The following RYR2 variants were observed in gnomAD, a reference collection of about 807,000 sequenced individuals.
RYR2 encodes ryanodine receptor 2.
RYR2 carries 227 observed loss-of-function variants against 601.1 expected under a neutral mutation model. The ratio of observed to expected loss-of-function variants is 0.38; its 90% CI spans 0.34 to 0.42. RYR2 has a LOEUF of 0.42. Among genes scored for constraint, RYR2 ranks in the 10% least tolerant of loss-of-function variants. The pLI is 1.00. For missense variants in RYR2, 4,646 were observed against 6,156.5 expected (o/e 0.75, Z 8.21); for synonymous variants, 2,223 against 2,175.1 (o/e 1.02, Z -0.61).
At chr1:237,703,483 T>A (rs1688124413) in intron 66 of RYR2, among the ~76,000 whole-genome samples, 1 of 151,132 alleles carries the variant, frequency 6.6e-6, no homozygotes, top group South Asian at 2.1e-4. Flanking sequence ...TGCTGATTTG[T>A]AATAATGCTT....
chr1:237,193,166 A>G (rs174867), intron 1 of RYR2, among the ~76,000 whole-genome samples: 5 of 131,412 alleles, frequency 3.8e-5, no homozygotes, highest in African/African-American at 1.6e-4. Flanking sequence ...TGCTAAAAGT[A>G]CAAAAAAAAA....
At chr1:237,217,804 C>T (rs1264287036) in intron 1 of RYR2, among the ~76,000 whole-genome samples, 2 of 152,062 alleles carry the variant, frequency 1.3e-5, no homozygotes, top group Admixed American at 1.3e-4. Flanking sequence ...CTGAGTATGC[C>T]CCAAGAAAGA....
At chr1:237,226,801 C>T (rs1411592947) in intron 1 of RYR2, among the ~76,000 whole-genome samples, 6 of 152,094 alleles carry the variant, frequency 3.9e-5, no homozygotes, top group Admixed American at 2.6e-4. Context: ...GACAGTCTCA[C>T]TCTGTCACCC....
At chr1:237,289,188 C>T (rs1035551948) in intron 2 of RYR2, among the ~76,000 whole-genome samples, 1 of 152,180 alleles carries the variant, frequency 6.6e-6, no homozygotes, top group Non-Finnish European at 1.5e-5. Flanking sequence ...CAGTCCGCTT[C>T]CTTCAGAGGC....
intron 1 of RYR2, among the ~76,000 whole-genome samples, chr1:237,266,546 T>G (rs1040484180): frequency 6.6e-6 from 1 of 152,216 alleles, no homozygotes; most frequent in African/African-American, 2.4e-5. Flanking sequence ...TGCTCTGAGA[T>G]GAATGATGGG....
chr1:237,648,773 G>C (rs116577407), intron 49 of RYR2, among the ~76,000 whole-genome samples, 160 bp downstream of exon 49: 1 of 152,082 alleles, frequency 6.6e-6, no homozygotes, highest in African/African-American at 2.4e-5. Flanking sequence ...AAATAAACTA[G>C]GCTATGTTCT....
chr1:237,159,013 C>T (rs994786702), intron 1 of RYR2, among the ~76,000 whole-genome samples: 6 of 152,210 alleles, frequency 3.9e-5, no homozygotes, highest in Admixed American at 2.6e-4. Flanking sequence ...TAAGGCCAGG[C>T]GCAGTGGCTC....
chr1:237,627,324 CAT>C (rs2148664402), intron 40 of RYR2, among the ~76,000 whole-genome samples: 1 of 152,258 alleles, frequency 6.6e-6, no homozygotes, highest in African/African-American at 2.4e-5. Flanking sequence ...TAAGTGAAAA[CAT>C]AATTATACGT....
intron 1 of RYR2, among the ~76,000 whole-genome samples, chr1:237,117,676 TC>T (rs1384217842): frequency 1.0e-4 from 3 of 30,074 alleles, no homozygotes; most frequent in Non-Finnish European, 1.9e-4. Flanking sequence ...CTCTTCCTTC[TC>T]TTCTCTTCTC....
At chr1:237,223,775 G>A (rs1392540816) in intron 1 of RYR2, among the ~76,000 whole-genome samples, 5 of 152,146 alleles carry the variant, frequency 3.3e-5, no homozygotes, top group African/African-American at 1.2e-4. Context: ...AATTTGAAGA[G>A]CAGGTCTGAG....
At chr1:237,547,515 G>C (rs1422835705) in intron 25 of RYR2, among the ~76,000 whole-genome samples, 1 of 152,134 alleles carries the variant, frequency 6.6e-6, no homozygotes, top group Non-Finnish European at 1.5e-5. Flanking sequence ...TTAGAAAAAT[G>C]AATCAGAAAC....
At chr1:237,717,483 T>G in intron 72 of RYR2, 115 bp downstream of exon 72, 2 of 910,864 alleles carry the variant, frequency 2.2e-6, no homozygotes, top group Non-Finnish European at 3.1e-6. Context: ...CATGTTTTAT[T>G]AAGCAGGTTT....
chr1:237,044,924 C>T (rs1357441775), intron 1 of RYR2, among the ~76,000 whole-genome samples: 1 of 149,502 alleles, frequency 6.7e-6, no homozygotes, highest in East Asian at 2.0e-4. Flanking sequence ...CATGTGCAAG[C>T]TTGTCAATAT....
chr1:237,768,577 A>T (rs1046678382), intron 84 of RYR2, among the ~76,000 whole-genome samples: 6 of 152,210 alleles, frequency 3.9e-5, no homozygotes, highest in African/African-American at 1.4e-4. Context: ...TTACCAGTGT[A>T]AGAGCACTTT....
intron 1 of RYR2, among the ~76,000 whole-genome samples, chr1:237,205,676 A>AAATCCAAAGG (rs1681728263): frequency 6.6e-6 from 1 of 152,226 alleles, no homozygotes; most frequent in Non-Finnish European, 1.5e-5. Context: ...TACTCCAAAG[A>AAATCCAAAGG]AATCCAAAGG....
intron 4 of RYR2, among the ~76,000 whole-genome samples, chr1:237,358,053 T>C (rs1699452013): frequency 6.6e-6 from 1 of 152,160 alleles, no homozygotes; most frequent in South Asian, 2.1e-4. Flanking sequence ...AGGTAGACTT[T>C]GAAGGCCAAC....
chr1:237,115,175 CAGAGACCACACCCTCCA>C (rs1445828500), intron 1 of RYR2, among the ~76,000 whole-genome samples: 2 of 152,032 alleles, frequency 1.3e-5, no homozygotes, highest in Non-Finnish European at 2.9e-5. Context: ...ACCACGCCTC[CAGAGACCACACCCTCCA>C]AGAGGCCACA....
intron 2 of RYR2, among the ~76,000 whole-genome samples, chr1:237,325,672 G>A (rs112715363): frequency 0.038 from 5,757 of 151,660 alleles, 256 homozygotes; most frequent in African/African-American, 0.11. Context: ...TGGGTAACAG[G>A]GCCAGACTCT....
intron 101 of RYR2, among the ~76,000 whole-genome samples, chr1:237,820,187 CA>C (rs141962001): frequency 0.059 from 4,193 of 71,322 alleles, 59 homozygotes; most frequent in Non-Finnish European, 0.086. Context: ...AACTCCATCT[CA>C]AAAAAAAAAA....
Sources: allele counts gnomAD v4.1 joint callset (sites outside exome capture counted in the v4.1 genomes callset), GRCh38; gene constraint gnomAD v4.1.1; transcripts MANE v1.5; gene names NCBI Gene and HGNC (gene_info 2026-07-23, HGNC 2026-07-21).